Variants in CLIC4 observed in about 807,000 individuals in gnomAD.
CLIC4 encodes CLIC family member 4, also known as chloride intracellular channel protein 4.
CLIC4 carries 13 observed loss-of-function variants against 24.6 expected under a neutral mutation model. The ratio of observed to expected loss-of-function variants is 0.53; its 90% CI spans 0.34 to 0.84. The LOEUF (loss-of-function observed/expected upper bound fraction) is 0.84. CLIC4 is among the 40% of genes least tolerant of loss of function. The pLI is 0.01. For missense variants in CLIC4, 227 were observed against 301.7 expected (o/e 0.75, Z 1.83); for synonymous variants, 104 against 111.3 (o/e 0.93, Z 0.41).
At chr1:24,839,645 C>G (rs910964603) in intron 4 of CLIC4, among the ~76,000 whole-genome samples, 3 of 152,172 alleles carry the variant, frequency 2.0e-5, no homozygotes, top group African/African-American at 7.2e-5. Context: ...CATTATTATG[C>G]TTATTTATAC....
intron 3 of CLIC4, among the ~76,000 whole-genome samples, chr1:24,821,083 C>T (rs1198312376): frequency 6.6e-6 from 1 of 151,756 alleles, no homozygotes; most frequent in Non-Finnish European, 1.5e-5. Flanking sequence ...TACTGGGGAG[C>T]CTGAGGTGGG....
intron 3 of CLIC4, among the ~76,000 whole-genome samples, chr1:24,822,098 C>A (rs867907106): frequency 6.6e-6 from 1 of 152,198 alleles, no homozygotes; most frequent in South Asian, 2.1e-4. Context: ...TTTGAAGCCA[C>A]ATCAATATGA....
intron 1 of CLIC4, among the ~76,000 whole-genome samples, chr1:24,746,197 C>A (rs1638695640): frequency 6.6e-6 from 1 of 152,230 alleles, no homozygotes; most frequent in African/African-American, 2.4e-5. Flanking sequence ...CTTGGACCTT[C>A]GGAAAAGACC....
chr1:24,825,035 CACACAA>C (rs1319331681), intron 3 of CLIC4, among the ~76,000 whole-genome samples: 3 of 150,080 alleles, frequency 2.0e-5, no homozygotes, highest in Non-Finnish European at 3.0e-5. Context: ...CACACACACA[CACACAA>C]AAGTACAAAA....
intron 1 of CLIC4, among the ~76,000 whole-genome samples, chr1:24,759,339 A>G (rs1638891207): frequency 1.3e-5 from 2 of 152,194 alleles, no homozygotes; most frequent in African/African-American, 4.8e-5. Flanking sequence ...TGGAGAGGTA[A>G]AGGAGTAAGA....
At chr1:24,745,755 C>T (rs955681583) in intron 1 of CLIC4, 130 bp downstream of exon 1, 34 of 639,110 alleles carry the variant, frequency 5.3e-5, no homozygotes, top group Non-Finnish European at 7.8e-5. Context: ...CGGGCACCCG[C>T]GCCCCCGGCC....
intron 3 of CLIC4, among the ~76,000 whole-genome samples, chr1:24,823,494 G>T (rs556850241): frequency 6.6e-6 from 1 of 152,268 alleles, no homozygotes; most frequent in East Asian, 1.9e-4. Flanking sequence ...AGACATACAG[G>T]CCGGGTGTGG....
At chr1:24,837,192 GA>G (rs1639894721) in intron 4 of CLIC4, among the ~76,000 whole-genome samples, 1 of 152,056 alleles carries the variant, frequency 6.6e-6, no homozygotes, top group South Asian at 2.1e-4. Context: ...GAAAAATCAA[GA>G]AAAGTGAGAG....
intron 1 of CLIC4, among the ~76,000 whole-genome samples, chr1:24,778,230 A>G (rs1639164320): frequency 6.6e-6 from 1 of 152,004 alleles, no homozygotes; most frequent in Admixed American, 6.6e-5. Context: ...CAGTTTTGAC[A>G]CTCCTCAGTT....
intron 2 of CLIC4, among the ~76,000 whole-genome samples, chr1:24,803,212 CTT>C (rs1034587766): frequency 2.0e-5 from 3 of 152,126 alleles, no homozygotes; most frequent in African/African-American, 7.2e-5. Flanking sequence ...AAATGTGACT[CTT>C]TTTAGAAATC....
intron 1 of CLIC4, among the ~76,000 whole-genome samples, chr1:24,747,197 T>C (rs1395987391): frequency 1.3e-5 from 2 of 149,126 alleles, no homozygotes; most frequent in South Asian, 2.1e-4. Context: ...GTGGCAGATA[T>C]AGTACTTTGA....
intron 1 of CLIC4, among the ~76,000 whole-genome samples, chr1:24,777,523 G>T (rs1639155578): frequency 6.6e-6 from 1 of 152,166 alleles, no homozygotes. Context: ...TAGCCTGGGT[G>T]ATAGAGCAAA....
At chr1:24,809,365 T>G (rs1395177252) in intron 2 of CLIC4, among the ~76,000 whole-genome samples, 1 of 152,204 alleles carries the variant, frequency 6.6e-6, no homozygotes. Flanking sequence ...AGAGAGAATA[T>G]GAATAAGACC....
chr1:24,756,175 A>G (rs1378258436), intron 1 of CLIC4, among the ~76,000 whole-genome samples: 2 of 151,664 alleles, frequency 1.3e-5, no homozygotes, highest in Admixed American at 6.6e-5. Flanking sequence ...GATTTTTTCT[A>G]TTTCTAGTAG....
At chr1:24,751,588 C>G (rs1638777235) in intron 1 of CLIC4, among the ~76,000 whole-genome samples, 2 of 152,138 alleles carry the variant, frequency 1.3e-5, no homozygotes, top group Non-Finnish European at 2.9e-5. Context: ...ATTTGGGGAA[C>G]CAAGATTTTT....
At chr1:24,798,735 C>T (rs1177449105) in intron 2 of CLIC4, among the ~76,000 whole-genome samples, 5 of 151,906 alleles carry the variant, frequency 3.3e-5, no homozygotes, top group East Asian at 3.9e-4. Flanking sequence ...GCCGCCATCT[C>T]GGCTCACTGC....
At chr1:24,772,546 C>T (rs1426015008) in intron 1 of CLIC4, among the ~76,000 whole-genome samples, 1 of 152,110 alleles carries the variant, frequency 6.6e-6, no homozygotes, top group Non-Finnish European at 1.5e-5. Flanking sequence ...AGTGCAGTGG[C>T]ACGATCTCAG....
chr1:24,754,801 A>G (rs1324076058), intron 1 of CLIC4, among the ~76,000 whole-genome samples: 3 of 151,976 alleles, frequency 2.0e-5, no homozygotes, highest in Non-Finnish European at 4.4e-5. Flanking sequence ...GCCCACTGCC[A>G]TGGCTCACAC....
chr1:24,810,432 C>G (rs1639600505), intron 2 of CLIC4, among the ~76,000 whole-genome samples: 1 of 152,186 alleles, frequency 6.6e-6, no homozygotes, highest in African/African-American at 2.4e-5. Context: ...TTTGTCCTCT[C>G]ATTTTCCCCC....
Sources: allele counts gnomAD v4.1 joint callset (sites outside exome capture counted in the v4.1 genomes callset), GRCh38; gene constraint gnomAD v4.1.1; transcripts MANE v1.5; gene names NCBI Gene and HGNC (gene_info 2026-07-23, HGNC 2026-07-21).